EMB: variants seen among roughly 807,000 people sequenced by gnomAD.
The protein encoded by EMB is embigin.
Under a neutral mutation model 41.4 loss-of-function variants are expected in EMB, and 31 were observed. That is an observed-to-expected ratio of 0.75 (90% CI 0.56 to 1.01). The LOEUF is 1.01. Among genes scored for constraint, EMB ranks in the 50% least tolerant of loss-of-function variants. EMB has a pLI of 0.00. For synonymous variants in EMB, 137 were observed against 140.4 expected (o/e 0.98, Z 0.17); for missense variants, 379 against 388.3 (o/e 0.98, Z 0.20).
At chr5:50,425,073 A>G (rs1745587647) in intron 2 of EMB, among the ~76,000 whole-genome samples, 1 of 152,134 alleles carries the variant, frequency 6.6e-6, no homozygotes, top group African/African-American at 2.4e-5. Context: ...GCAGCATTGG[A>G]GTCATGCTAG....
chr5:50,441,981 C>T (rs1475292815), upstream of EMB, among the ~76,000 whole-genome samples: 1 of 152,162 alleles, frequency 6.6e-6, no homozygotes, highest in Non-Finnish European at 1.5e-5. Context: ...AAGGCTGTAG[C>T]TTGGAATATT....
chr5:50,399,770 T>C (rs1026600146), intron 8 of EMB, 89 bp downstream of exon 8: 3 of 1,026,520 alleles, frequency 2.9e-6, no homozygotes, highest in Admixed American at 2.2e-5. Flanking sequence ...AGATCTTTTA[T>C]GGAACTAAAA....
intron 2 of EMB, among the ~76,000 whole-genome samples, chr5:50,423,461 C>A (rs1579736100): frequency 6.6e-6 from 1 of 152,114 alleles, no homozygotes; most frequent in Non-Finnish European, 1.5e-5. Flanking sequence ...AATATTCATT[C>A]TCATGTTTTT....
intron 6 of EMB, among the ~76,000 whole-genome samples, chr5:50,402,563 GTCAT>G (rs1314505214): frequency 6.6e-6 from 1 of 151,774 alleles, no homozygotes; most frequent in Admixed American, 6.6e-5. Flanking sequence ...TGCTTAGTTT[GTCAT>G]TATTTAAATC....
chr5:50,414,821 T>C (rs1342802553), intron 2 of EMB, among the ~76,000 whole-genome samples: 1 of 152,204 alleles, frequency 6.6e-6, no homozygotes, highest in Non-Finnish European at 1.5e-5. Flanking sequence ...TATTTCACTA[T>C]CCTAGTATAT....
At chr5:50,429,372 C>T (rs1188049751) in intron 1 of EMB, among the ~76,000 whole-genome samples, 2 of 152,280 alleles carry the variant, frequency 1.3e-5, no homozygotes, top group African/African-American at 4.8e-5. Flanking sequence ...ATTTTTATTA[C>T]ACTTTTTAAA....
intron 2 of EMB, among the ~76,000 whole-genome samples, chr5:50,420,033 AG>A (rs34978807): frequency 0.39 from 59,890 of 151,802 alleles, 12,343 homozygotes; most frequent in African/African-American, 0.51. Context: ...TTGTCGATGG[AG>A]GGCAGGGGTG....
intron 1 of EMB, among the ~76,000 whole-genome samples, chr5:50,435,496 T>C (rs1389929307): frequency 6.6e-6 from 1 of 152,156 alleles, no homozygotes; most frequent in Non-Finnish European, 1.5e-5. Context: ...TCCATAACCT[T>C]GACACTTTTT....
intron 4 of EMB, among the ~76,000 whole-genome samples, chr5:50,406,927 C>T (rs1220720428): frequency 2.0e-5 from 3 of 151,974 alleles, no homozygotes; most frequent in Non-Finnish European, 4.4e-5. Context: ...AGTTTCCCTA[C>T]AACCTGAGAG....
chr5:50,442,124 A>C (rs1319971253), upstream of EMB, among the ~76,000 whole-genome samples: 2 of 152,228 alleles, frequency 1.3e-5, no homozygotes, highest in South Asian at 2.1e-4. Flanking sequence ...TATTTTTAAA[A>C]TTTTTCACGA....
At chr5:50,438,685 C>T (rs928441113) in intron 1 of EMB, among the ~76,000 whole-genome samples, 12 of 151,996 alleles carry the variant, frequency 7.9e-5, no homozygotes, top group East Asian at 1.9e-4. Flanking sequence ...AGATCAATAC[C>T]GAATCTAGAA....
At chr5:50,401,363 T>C (rs533767505) in intron 7 of EMB, among the ~76,000 whole-genome samples, 1 of 152,182 alleles carries the variant, frequency 6.6e-6, no homozygotes, top group South Asian at 2.1e-4. Flanking sequence ...CTGCTATCCA[T>C]GCCTGTAACA....
At chr5:50,435,481 A>G (rs1745789272) in intron 1 of EMB, among the ~76,000 whole-genome samples, 2 of 152,220 alleles carry the variant, frequency 1.3e-5, no homozygotes, top group South Asian at 4.1e-4. Flanking sequence ...GTCTCTTCTG[A>G]CTTTTCCATA....
At chr5:50,424,059 G>GT (rs1250658110) in intron 2 of EMB, among the ~76,000 whole-genome samples, 3 of 152,070 alleles carry the variant, frequency 2.0e-5, no homozygotes, top group Non-Finnish European at 2.9e-5. Context: ...TCAAGGCCTT[G>GT]TTTTTTATAT....
upstream of EMB, among the ~76,000 whole-genome samples, chr5:50,442,743 T>A (rs1745935338): frequency 6.6e-6 from 1 of 152,192 alleles, no homozygotes; most frequent in Non-Finnish European, 1.5e-5. Flanking sequence ...CCTCTTTCTT[T>A]CAACCCTGCA....
intron 4 of EMB, among the ~76,000 whole-genome samples, chr5:50,407,584 C>A (rs956917703): frequency 6.6e-6 from 1 of 151,962 alleles, no homozygotes; most frequent in African/African-American, 2.4e-5. Context: ...TGCTTTTGTT[C>A]TGCTATATAT....
At chr5:50,427,127 T>G (rs1425584263) in intron 2 of EMB, among the ~76,000 whole-genome samples, 1 of 152,128 alleles carries the variant, frequency 6.6e-6, no homozygotes, top group Non-Finnish European at 1.5e-5. Flanking sequence ...TCCAAAACAA[T>G]ATATAACATT....
At chr5:50,424,663 T>C (rs1333330427) in intron 2 of EMB, among the ~76,000 whole-genome samples, 1 of 152,146 alleles carries the variant, frequency 6.6e-6, no homozygotes, top group Non-Finnish European at 1.5e-5. Flanking sequence ...GTGGGGATAA[T>C]TTTCAAATGG....
At chr5:50,401,163 A>G (rs1391937658) in intron 7 of EMB, among the ~76,000 whole-genome samples, 15 of 152,010 alleles carry the variant, frequency 9.9e-5, no homozygotes, top group Non-Finnish European at 2.1e-4. Context: ...CAACTATGGG[A>G]GTCTATGATT....
Sources: gnomAD v4.1 joint callset for allele counts (sites outside exome capture counted in the v4.1 genomes callset) on GRCh38, gnomAD v4.1.1 for gene constraint, MANE v1.5 for transcripts, NCBI Gene and HGNC (gene_info 2026-07-23, HGNC 2026-07-21) for gene names.